IMPDH2: variants seen among roughly 807,000 people sequenced by gnomAD.
IMPDH2 encodes inosine monophosphate dehydrogenase 2, also known as inosine-5'-monophosphate dehydrogenase 2.
In IMPDH2, 33 loss-of-function variants were observed where a neutral mutation model predicts 57.8. The ratio of observed to expected loss-of-function variants is 0.57; its 90% CI spans 0.43 to 0.76. The LOEUF is 0.76. IMPDH2 is among the 30% of genes least tolerant of loss of function. IMPDH2 has a pLI of 0.00. For missense variants in IMPDH2, 446 were observed against 659.1 expected, an observed-to-expected ratio of 0.68 and a Z score of 3.54; for synonymous variants, 270 against 241.3, an observed-to-expected ratio of 1.12 and a Z score of -1.10.
rs1359255412 is a variant in IMPDH2, at chr3:49,024,747, C to T, written c.1351G>A (p.Gly451Arg). 2 of 1,614,164 alleles carry T rather than the reference C, an allele frequency of 1.2e-6. No individual in the cohort carries two copies. Among genetic ancestry groups the T allele is most frequent in the Admixed American group, 1.7e-5 (1 of 60,022 alleles). The change falls in exon 12 of 14, where the codon GGG becomes AGG. Residue 451 changes from glycine to arginine, a missense_variant. Physicochemically the swap from Gly to Arg is moderately radical, Grantham distance 125. Transcript: ENST00000326739. ...TAAGGGACAAATTTGTGGATTGACC[C>T]TTTGTCCTGCACAGCACCAGACACT... Reference protein sequence around the residue: ...QGVSGAVQDKGSIHKFVPYLI... With the variant: ...QGVSGAVQDKRSIHKFVPYLI...
chr3:49,027,856 C>A lies in IMPDH2; in HGVS notation c.385G>T (p.Asp129Tyr). 6.2e-7 allele frequency: 1 copy of A among 1,614,214 alleles called. No homozygotes were observed. Among genetic ancestry groups the A allele is most frequent in the Non-Finnish European group, 8.5e-7 (1 of 1,180,024 alleles). ...VVLSPKDRVR[D>Y]VFEAKARHGF... ...TGCCGGGCCTTGGCCTCAAAAACAT[C>A]CCGCACGCGATCCTTGGGGCTGAGG... Residue 129 changes from aspartate (D) to tyrosine (Y), a missense_variant, in exon 5 of 14, where the codon GAT becomes TAT. By Grantham distance (160) the Asp-to-Tyr change is radical (BLOSUM62 -3). Transcript: ENST00000326739.
chr3:49,027,304 A>G (rs982542458), intron 5 of IMPDH2, among the ~76,000 whole-genome samples: 1 of 152,136 alleles, frequency 6.6e-6, no homozygotes, highest in Non-Finnish European at 1.5e-5. Context: ...ACGTTCATAC[A>G]TTCACACCCA....
chr3:49,025,220 C>T lies in IMPDH2; in HGVS notation c.1056G>A (p.Glu352=), dbSNP rs757045267. The change falls in exon 10 of 14, where the codon GAG becomes GAA. Residue 352 remains glutamate (E), a synonymous_variant. Transcript: ENST00000326739. ...CCGGAACACCAAAGCGCCGTGCATA[C>T]TCTGACACCTTGTACACTGCTGTTG... ...PQATAVYKVS[E]YARRFGVPVI... is the part of the protein sequence containing the mutation. 18 of 1,614,130 alleles carry T rather than the reference C, an allele frequency of 1.1e-5. No homozygotes were observed. Among genetic ancestry groups the T allele is most frequent in the Admixed American group, 1.7e-5 (1 of 60,012 alleles).
rs369645495 is a variant in IMPDH2, at chr3:49,029,365, A to T, written c.-15T>A. 11 of 1,554,402 alleles carry T rather than the reference A, an allele frequency of 7.1e-6. No individual in the cohort carries two copies. The Admixed American group carries it at 7.5e-5, about 11-fold the overall frequency. On this transcript the variant is annotated 5_prime_UTR_variant, in exon 1 of 14. Coordinates refer to ENST00000326739, the MANE Select transcript of IMPDH2 (RefSeq NM_000884.3). Reference sequence around the variant, plus strand: ...TAGTCGGCCATGGCCAACACAGGACACCGCCGCGTGTCTCCGAGGACCGCG... The same window carrying T: ...TAGTCGGCCATGGCCAACACAGGACTCCGCCGCGTGTCTCCGAGGACCGCG...
In IMPDH2 at chr3:49,026,629, T is replaced by A. The variant is rs541759988; in HGVS notation, c.820-20A>T. On this transcript the variant is annotated intron_variant, in intron 7 of 13. Transcript: ENST00000326739. The stretch of plus-strand genomic sequence containing the variant: ...AGAGTCCTAGGACAAGAAGTAAGTC[T>A]CAGACTGTGATGTGGCAGCTGCCCC... 47 of 1,612,734 alleles carry A rather than the reference T, an allele frequency of 2.9e-5. No individual in the cohort carries two copies. Among genetic ancestry groups the A allele is most frequent in the Admixed American group, 1.0e-4 (6 of 60,026 alleles).
intron 11 of IMPDH2, 46 bp from the exon 12 acceptor site, chr3:49,024,848 G>C (rs898199064): frequency 1.1e-5 from 17 of 1,614,056 alleles, no homozygotes; most frequent in Non-Finnish European, 1.3e-5. Context: ...GCAGAGATGA[G>C]ACTGTCAGTG....
intron 1 of IMPDH2, 93 bp from the exon 2 acceptor site, chr3:49,028,899 TG>T: frequency 1.0e-6 from 1 of 1,004,388 alleles, no homozygotes. Flanking sequence ...GTAACGCATG[TG>T]AGCAGAGAGT....
intron 3 of IMPDH2, 24 bp downstream of exon 3, chr3:49,028,407 T>A (rs1280645151): frequency 1.9e-6 from 3 of 1,608,292 alleles, no homozygotes; most frequent in Non-Finnish European, 2.6e-6. Context: ...CCTTGCTCCT[T>A]CCCCCACACC....
chr3:49,025,121 C>T lies in IMPDH2; in HGVS notation c.1150+5G>A, dbSNP rs1335501323. ...CCACTGGCCTTCACGGGTACTGGGC[C>T]TCACCTGTGGAGGCCCCAAGGGCCA... On this transcript the variant is annotated splice_donor_5th_base_variant and intron_variant, in intron 10 of 13. Coordinates refer to ENST00000326739, the MANE Select transcript of IMPDH2 (RefSeq NM_000884.3). 1.5e-5 allele frequency: 25 copies of T among 1,614,088 alleles called. No homozygotes were observed. The highest frequency in any genetic ancestry group is 2.1e-5 in the Non-Finnish European group (25 of 1,180,046).
chr3:49,025,542 C>T (rs1191416028), intron 9 of IMPDH2: 4 of 465,788 alleles, frequency 8.6e-6, no homozygotes, highest in African/African-American at 2.0e-5. Context: ...GCCGGGAAAG[C>T]CCCCGTCCAG....
intron 9 of IMPDH2, chr3:49,025,866 A>C: frequency 2.4e-6 from 1 of 421,696 alleles, no homozygotes; most frequent in Non-Finnish European, 4.8e-6. Flanking sequence ...CCACCCCCAA[A>C]CCATGGTCTG....
chr3:49,027,693 C>T lies in IMPDH2; in HGVS notation c.531+17G>A, dbSNP rs2093205074. The T allele has an allele frequency of 1.2e-6, 2 of 1,609,280 alleles. No homozygotes were observed. Among genetic ancestry groups the T allele is most frequent in the East Asian group, 2.2e-5 (1 of 44,876 alleles). ...TGGGCTGCTAGAGCTTGGATCTACT[C>T]TGCCAGTGGCACCCACCTCTTCCAA... On this transcript the variant is annotated intron_variant, in intron 5 of 13. Transcript: ENST00000326739.
At chr3:49,025,524 T>G in intron 9 of IMPDH2, 1 of 505,718 alleles carries the variant, frequency 2.0e-6, no homozygotes, top group Non-Finnish European at 3.6e-6. Context: ...GCACATGCAG[T>G]CTTAGCAGCC....
At chr3:49,026,254 G>T in intron 9 of IMPDH2, 70 bp downstream of exon 9, 1 of 1,163,934 alleles carries the variant, frequency 8.6e-7, no homozygotes, top group Non-Finnish European at 1.3e-6. Flanking sequence ...CCCCATAAGA[G>T]TGCTTGGTTC....
At chr3:49,026,164 C>T (rs1443999157) in intron 9 of IMPDH2, 160 bp downstream of exon 9, 3 of 695,100 alleles carry the variant, frequency 4.3e-6, no homozygotes, top group Admixed American at 4.0e-5. Context: ...ATGACAAGAC[C>T]TTGTCTTGCT....
At position 49,027,715 on chromosome 3, in the gene IMPDH2, C is replaced by T. The variant is rs1484639426; in HGVS notation, c.526G>A (p.Glu176Lys). Residue 176 changes from glutamate to lysine, a missense_variant, in exon 5 of 14, where the codon GAA (glutamate) becomes AAA (lysine). By Grantham distance (56) the Glu-to-Lys change is moderately conservative. Coordinates refer to ENST00000326739, the MANE Select transcript of IMPDH2 (RefSeq NM_000884.3). ...ACTCTGCCAGTGGCACCCACCTCTT[C>T]CAAGAAACAGTCATGTTCCTCCTCT... ...LKEEEHDCFL[E>K]EIMTKREDLV... is the part of the protein sequence containing the mutation. The T allele has an allele frequency of 6.2e-7, 1 of 1,614,104 alleles. No homozygotes were observed. Among genetic ancestry groups the T allele is most frequent in the South Asian group, 1.1e-5 (1 of 91,084 alleles).
rs1252841516 is a variant in IMPDH2 at position 49,026,863 on chromosome 3, C to T, written c.643G>A (p.Asp215Asn). 1.2e-5 allele frequency: 19 copies of T among 1,614,250 alleles called. No homozygotes were observed. Among genetic ancestry groups the T allele is most frequent in the Non-Finnish European group, 1.5e-5 (18 of 1,180,034 alleles). Residue 215 changes from aspartate (D) to asparagine (N), a missense_variant, in exon 7 of 14, where the codon GAT becomes AAT. Physicochemically the swap from Asp to Asn is conservative, Grantham distance 23. Transcript: ENST00000326739. ...KKGKLPIVNE[D>N]DELVAIIART... ...GCAATGATGGCCACAAGCTCATCAT[C>T]TTCATTTACAATGGGCAACTTTCCT... is the stretch of plus-strand genomic sequence containing the variant.
At position 49,024,909 on chromosome 3, in the gene IMPDH2, T is replaced by C; in HGVS notation, c.1282A>G (p.Asn428Asp). ...TGCCTGTCCCACCTGAAATATCTGT[T>C]CTGGCTGCTGAGGTGCTTGTCCATG... ...DAMDKHLSSQ[N>D]RYFSEADKIK... is the part of the protein sequence containing the mutation. Residue 428 changes from asparagine (N) to aspartate (D), a missense_variant, in exon 11 of 14, where the codon AAC (asparagine) becomes GAC (aspartate). Physicochemically the swap from Asn to Asp is conservative, Grantham distance 23. Transcript: ENST00000326739. The C allele has an allele frequency of 6.2e-7, 1 of 1,614,238 alleles. No homozygotes were observed. Among genetic ancestry groups the C allele is most frequent in the Non-Finnish European group, 8.5e-7 (1 of 1,180,038 alleles).
At chr3:49,026,084 A>G (rs1443404274) in intron 9 of IMPDH2, 1 of 634,104 alleles carries the variant, frequency 1.6e-6, no homozygotes, top group Admixed American at 2.1e-5. Context: ...AAACAAACAG[A>G]CCAGAGTTTA....
Sources: allele counts gnomAD v4.1 joint callset (sites outside exome capture counted in the v4.1 genomes callset), GRCh38; gene constraint gnomAD v4.1.1; transcripts MANE v1.5; gene names NCBI Gene and HGNC (gene_info 2026-07-23, HGNC 2026-07-21).